The following ST8SIA1 variants were observed in gnomAD, a reference collection of about 807,000 sequenced individuals.
ST8SIA1 encodes ST8 alpha-N-acetyl-neuraminide alpha-2,8-sialyltransferase 1, also known as alpha-N-acetylneuraminide alpha-2,8-sialyltransferase.
Under a neutral mutation model 35.9 loss-of-function variants are expected in ST8SIA1, and 16 were observed. That is an observed-to-expected ratio of 0.45 (90% CI 0.30 to 0.68). The LOEUF (loss-of-function observed/expected upper bound fraction) is 0.68. Among genes scored for constraint, ST8SIA1 ranks in the 30% least tolerant of loss-of-function variants. ST8SIA1 has a pLI of 0.09. For missense variants in ST8SIA1, 383 were observed against 453.6 expected (o/e 0.84, Z 1.41); for synonymous variants, 170 against 169.6 (o/e 1.00, Z -0.02).
chr12:22,252,233 G>A (rs1417968912), intron 3 of ST8SIA1, among the ~76,000 whole-genome samples: 1 of 152,254 alleles, frequency 6.6e-6, no homozygotes, highest in East Asian at 1.9e-4. Context: ...ACTGTGTACA[G>A]GCAGTGCTAT....
intron 4 of ST8SIA1, among the ~76,000 whole-genome samples, chr12:22,218,090 G>A (rs1314109389): frequency 1.3e-5 from 2 of 152,316 alleles, no homozygotes; most frequent in African/African-American, 4.8e-5. Context: ...TTGGGAGTCT[G>A]AGGGGGGCAG....
intron 1 of ST8SIA1, among the ~76,000 whole-genome samples, chr12:22,314,683 TTCTGTTGTG>T (rs1866495420): frequency 1.3e-5 from 2 of 152,260 alleles, no homozygotes; most frequent in Admixed American, 1.3e-4. Flanking sequence ...CTGGAGGATT[TTCTGTTGTG>T]TCTGTTAGAT....
intron 4 of ST8SIA1, among the ~76,000 whole-genome samples, chr12:22,204,378 C>G (rs1865084073): frequency 6.6e-6 from 1 of 152,168 alleles, no homozygotes; most frequent in African/African-American, 2.4e-5. Flanking sequence ...CTAAAAAACT[C>G]TTCTTAATAT....
chr12:22,295,193 T>A (rs1032894985), intron 1 of ST8SIA1, among the ~76,000 whole-genome samples: 1 of 152,070 alleles, frequency 6.6e-6, no homozygotes, highest in Non-Finnish European at 1.5e-5. Flanking sequence ...GGTGGCTAAG[T>A]CAGTCCTCAC....
At chr12:22,276,435 C>A (rs1987940) in intron 2 of ST8SIA1, among the ~76,000 whole-genome samples, 22,997 of 152,120 alleles carry the variant, frequency 0.15, 1,782 homozygotes, top group Middle Eastern at 0.24. Flanking sequence ...GCTGAGAGCA[C>A]CCCCCAAACA....
chr12:22,290,703 T>C (rs1395983953), intron 1 of ST8SIA1, among the ~76,000 whole-genome samples: 1 of 152,156 alleles, frequency 6.6e-6, no homozygotes, highest in African/African-American at 2.4e-5. Flanking sequence ...GTTTTTGATG[T>C]CTAGGAAATT....
rs1865011909 is a variant in ST8SIA1 at position 22,198,336 on chromosome 12, A to G, written c.*3216T>C. The G allele has an allele frequency of 6.6e-6, 1 of 152,164 alleles. No homozygotes were observed. The highest frequency in any genetic ancestry group is 2.4e-5 in the African/African-American group (1 of 41,450). The allele number at this position is 152,164 out of a possible 1,614,324, so 9.4% of individuals were successfully genotyped here. A position where few individuals can be genotyped will look rare whatever the true frequency, so the allele number is the denominator to read the frequency against. ...GTTATATCAAAATGTAACTGATCAA[A>G]TCTGGAAAAGTACCAGGCCTAATTC... On this transcript the variant is annotated 3_prime_UTR_variant, in exon 5 of 5. Coordinates refer to ENST00000396037, the MANE Select transcript of ST8SIA1 (RefSeq NM_003034.4).
intron 2 of ST8SIA1, among the ~76,000 whole-genome samples, chr12:22,261,301 C>T (rs1026097521): frequency 7.9e-5 from 12 of 152,138 alleles, no homozygotes; most frequent in Admixed American, 3.3e-4. Flanking sequence ...CCCGCCACCA[C>T]GCTCGGGTCT....
At chr12:22,249,272 A>G (rs944879238) in intron 3 of ST8SIA1, among the ~76,000 whole-genome samples, 174 bp from the exon 4 acceptor site, 24 of 145,040 alleles carry the variant, frequency 1.7e-4, no homozygotes, top group South Asian at 2.1e-4. Flanking sequence ...AGGCTGGAGT[A>G]CAGTGGTGTG....
Position 22,199,148 on chromosome 12 carries a change from CTTTT to C in ST8SIA1, c.*2400_*2403del, listed in dbSNP as rs1205812153. ...AAAATTTCCACATAATATTTTCTTT[CTTTT>C]TCTTTTCTTTTTTTTTTTTTTGAGA... On this transcript the variant is annotated 3_prime_UTR_variant, in exon 5 of 5. Transcript: ENST00000396037. The C allele has an allele frequency of 7.6e-6, 1 of 131,820 alleles. No individual in the cohort carries two copies. Among genetic ancestry groups the C allele is most frequent in the African/African-American group, 2.8e-5 (1 of 35,472 alleles). The allele number at this position is 131,820 out of a possible 1,614,324, so 8.2% of individuals were successfully genotyped here.
chr12:22,289,749 C>T (rs1866152016), intron 1 of ST8SIA1, among the ~76,000 whole-genome samples: 1 of 152,166 alleles, frequency 6.6e-6, no homozygotes, highest in Non-Finnish European at 1.5e-5. Flanking sequence ...CAAAGTGCTA[C>T]AGGAGGTTCA....
intron 4 of ST8SIA1, among the ~76,000 whole-genome samples, chr12:22,203,207 G>T (rs1054519916): frequency 6.6e-6 from 1 of 152,128 alleles, no homozygotes; most frequent in Non-Finnish European, 1.5e-5. Context: ...GAGAGAGAAA[G>T]AGAGGGAGAG....
rs532500842 is a variant in ST8SIA1, at chr12:22,334,706, AC to A, written c.-475del. 3,408 of 64,554 alleles carry A rather than the reference AC, an allele frequency of 0.053. 100 individuals carry two copies. Among genetic ancestry groups the A allele is most frequent in the African/African-American group, 0.12 (2,265 of 19,626 alleles). 4.0% of individuals were successfully genotyped at this position (64,554 alleles called of 1,614,324 possible). A position where few individuals can be genotyped will look rare whatever the true frequency, so the allele number is the denominator to read the frequency against. On this transcript the variant is annotated 5_prime_UTR_variant, in exon 1 of 5. Transcript: ENST00000396037. Reference sequence around the variant, plus strand: ...TCCCGCGCTGCTGCGCCGCCAGGCAACCCCCCCCCCCCCACCCCGCCCCGAG... The same window carrying A: ...TCCCGCGCTGCTGCGCCGCCAGGCAACCCCCCCCCCCCACCCCGCCCCGAG...
At chr12:22,298,387 T>C (rs1866273327) in intron 1 of ST8SIA1, among the ~76,000 whole-genome samples, 1 of 152,174 alleles carries the variant, frequency 6.6e-6, no homozygotes, top group Non-Finnish European at 1.5e-5. Flanking sequence ...CTGTGGGATA[T>C]GACTCTATCT....
intron 2 of ST8SIA1, among the ~76,000 whole-genome samples, chr12:22,262,657 G>T (rs890323505): frequency 3.3e-5 from 5 of 152,168 alleles, no homozygotes; most frequent in Non-Finnish European, 4.4e-5. Context: ...TGGAGAAAAA[G>T]AAAATGTAAA....
chr12:22,257,260 G>A (rs1174460255), intron 2 of ST8SIA1, among the ~76,000 whole-genome samples: 1 of 152,014 alleles, frequency 6.6e-6, no homozygotes, highest in African/African-American at 2.4e-5. Context: ...CACCCAGGCT[G>A]GAGTACAGTG....
chr12:22,241,067 TAACCCTAAC>T (rs1271006454), intron 4 of ST8SIA1, among the ~76,000 whole-genome samples: 74 of 146,926 alleles, frequency 5.0e-4, no homozygotes, highest in African/African-American at 1.8e-3. Context: ...ACCCTAACCC[TAACCCTAAC>T]GCAACCTTCT....
chr12:22,302,373 T>C (rs1005618408), intron 1 of ST8SIA1, among the ~76,000 whole-genome samples: 3 of 152,198 alleles, frequency 2.0e-5, no homozygotes, highest in Non-Finnish European at 4.4e-5. Flanking sequence ...TTTACACACA[T>C]AAGCCACTTT....
intron 4 of ST8SIA1, among the ~76,000 whole-genome samples, chr12:22,248,218 T>A (rs1177303319): frequency 6.6e-6 from 1 of 152,180 alleles, no homozygotes; most frequent in Non-Finnish European, 1.5e-5. Context: ...GGGACTTAGA[T>A]GACAAGCGCC....
Sources: allele counts gnomAD v4.1 joint callset (sites outside exome capture counted in the v4.1 genomes callset), GRCh38; gene constraint gnomAD v4.1.1; transcripts MANE v1.5; gene names NCBI Gene and HGNC (gene_info 2026-07-23, HGNC 2026-07-21).